Variants in WASHC2C observed in about 807,000 individuals in gnomAD.
WASHC2C encodes the protein WASH complex subunit 2C.
A neutral mutation model predicts 142.2 loss-of-function variants in WASHC2C; 73 were observed. The observed-to-expected ratio is 0.51, with a 90% CI of 0.43 to 0.62. WASHC2C has a LOEUF of 0.62. WASHC2C is among the 20% of genes least tolerant of loss of function. WASHC2C has a pLI of 0.00. For missense variants in WASHC2C, 969 were observed against 1,531.7 expected (o/e 0.63, Z 6.13); for synonymous variants, 337 against 565.5 (o/e 0.60, Z 5.73).
chr10:45,749,352 T>G (rs1448598065), intron 8 of WASHC2C, among the ~76,000 whole-genome samples: 1 of 149,902 alleles, frequency 6.7e-6, no homozygotes, highest in Non-Finnish European at 1.5e-5. Context: ...GGAGAATGGC[T>G]TGAACCTAGG....
Position 45,765,769 on chromosome 10 carries a change from A to G in WASHC2C, c.1828A>G (p.Lys610Glu), listed in dbSNP as rs781897634. The part of the protein sequence containing the change: ...EEKAKASELS[K>E]KKASALLFSS... ...GAAAGCAAAAGCCTCCGAGCTCTCC[A>G]AAAAGAAAGCATCTGCCCTGTTGTT... Residue 610 changes from lysine to glutamate, a missense_variant, in exon 19 of 31, where the codon AAA becomes GAA. Coordinates refer to ENST00000623400, the MANE Select transcript of WASHC2C (RefSeq NM_001330074.2). 1 of 1,612,038 alleles carries G rather than the reference A, an allele frequency of 6.2e-7. No homozygotes were observed. The highest frequency in any genetic ancestry group is 8.5e-7 in the Non-Finnish European group (1 of 1,179,860).
rs530089069 is a variant in WASHC2C, at chr10:45,785,627, C to T, written c.2807C>T (p.Pro936Leu). Reference protein sequence around the residue: ...KEKGIWKPETPQDSSGLAPFK... With the variant: ...KEKGIWKPETLQDSSGLAPFK... ...AAAGGCATATGGAAGCCGGAAACAC[C>T]TCAGGTTAGAAATCCTCTTTAAGGA... The change falls in exon 26 of 31, where the codon CCT (proline) becomes CTT (leucine). Residue 936 changes from proline (P) to leucine (L), a missense_variant. Pro to Leu is a moderately conservative substitution (Grantham distance 98, BLOSUM62 -3). Transcript: ENST00000623400. The T allele has an allele frequency of 2.8e-5, 45 of 1,613,562 alleles. No individual in the cohort carries two copies. In the African/African-American group the frequency reaches 4.8e-4, roughly 17 times the overall value.
At chr10:45,752,023 G>A (rs2053653362) in intron 11 of WASHC2C, among the ~76,000 whole-genome samples, 1 of 152,210 alleles carries the variant, frequency 6.6e-6, no homozygotes, top group Admixed American at 6.5e-5. Flanking sequence ...GTGCTGGGAG[G>A]ATATGTGGGT....
intron 19 of WASHC2C, among the ~76,000 whole-genome samples, chr10:45,766,907 A>G (rs552947541): frequency 2.0e-5 from 3 of 152,244 alleles, no homozygotes; most frequent in Non-Finnish European, 2.9e-5. Flanking sequence ...TAAGTCATAG[A>G]TATGTTCATG....
intron 3 of WASHC2C, among the ~76,000 whole-genome samples, chr10:45,736,157 C>T (rs192868643): frequency 0.047 from 6,909 of 148,116 alleles, 205 homozygotes; most frequent in South Asian, 0.088. Flanking sequence ...CCTGTAATCC[C>T]AGCACTTTGG....
upstream of WASHC2C, chr10:45,727,235 C>G: frequency 6.6e-7 from 1 of 1,523,124 alleles, no homozygotes; most frequent in East Asian, 2.5e-5. Flanking sequence ...CCCCGGGCAG[C>G]TTGGCTGGGG....
chr10:45,776,107 A>T (rs2057052839), intron 21 of WASHC2C, among the ~76,000 whole-genome samples: 1 of 152,090 alleles, frequency 6.6e-6, no homozygotes, highest in Non-Finnish European at 1.5e-5. Context: ...TTTTATGTCA[A>T]GTTCAATGGT....
At chr10:45,736,576 G>A (rs1446089824) in intron 3 of WASHC2C, among the ~76,000 whole-genome samples, 2 of 151,858 alleles carry the variant, frequency 1.3e-5, no homozygotes, top group Non-Finnish European at 1.5e-5. Context: ...CTCCAGCCTG[G>A]GTGACAGAGC....
rs2055728040 is a variant in WASHC2C, at chr10:45,765,792, G to A, written c.1851G>A (p.Leu617=). The A allele has an allele frequency of 6.2e-7, 1 of 1,611,982 alleles. No individual in the cohort carries two copies. Among genetic ancestry groups the A allele is most frequent in the Non-Finnish European group, 8.5e-7 (1 of 1,179,852 alleles). The part of the protein sequence containing the change: ...ELSKKKASAL[L]FSSDEEDQWN... ...CCAAAAAGAAAGCATCTGCCCTGTTGTTCAGCAGTGATGAGGAGGTGAGCT... is the reference window on the plus strand; with the variant it reads ...CCAAAAAGAAAGCATCTGCCCTGTTATTCAGCAGTGATGAGGAGGTGAGCT... Residue 617 remains leucine (L), a synonymous_variant, in exon 19 of 31, where the codon TTG becomes TTA. Transcript: ENST00000623400.
chr10:45,771,392 T>C, intron 20 of WASHC2C: 14 of 968,878 alleles, frequency 1.4e-5, no homozygotes, highest in Non-Finnish European at 1.7e-5. Flanking sequence ...AAAAGGCCTT[T>C]CCTAACTTTA....
At chr10:45,769,171 G>T (rs192753419) in intron 19 of WASHC2C, among the ~76,000 whole-genome samples, 1 of 151,886 alleles carries the variant, frequency 6.6e-6, no homozygotes, top group Non-Finnish European at 1.5e-5. Context: ...AGGCTGGAGT[G>T]CAGTGGCACG....
chr10:45,740,873 A>G (rs1279276981), intron 5 of WASHC2C, among the ~76,000 whole-genome samples: 1 of 152,024 alleles, frequency 6.6e-6, no homozygotes, highest in African/African-American at 2.4e-5. Flanking sequence ...GTGAACACAG[A>G]AAGTTACCAC....
chr10:45,753,839 T>C (rs1554875878), intron 13 of WASHC2C, among the ~76,000 whole-genome samples: 1 of 151,030 alleles, frequency 6.6e-6, no homozygotes, highest in African/African-American at 2.5e-5. Context: ...TTTTTTTTTT[T>C]CTTTTTTTTT....
intron 23 of WASHC2C, among the ~76,000 whole-genome samples, chr10:45,782,546 AGTTTG>A (rs1288263609): frequency 1.3e-5 from 2 of 150,654 alleles, no homozygotes; most frequent in African/African-American, 4.9e-5. Context: ...TTTGGAGAAC[AGTTTG>A]CTGTTCTTCA....
At chr10:45,727,259 G>A (rs1445707793), upstream of WASHC2C, 18 of 1,538,116 alleles carry the variant, frequency 1.2e-5, no homozygotes, top group South Asian at 2.4e-5. Context: ...GGCTTCCGGG[G>A]CTCTGCGGTC....
chr10:45,750,180 G>A lies in WASHC2C; in HGVS notation c.817G>A (p.Glu273Lys), dbSNP rs781911163. 4 of 1,611,332 alleles carry A rather than the reference G, an allele frequency of 2.5e-6. No homozygotes were observed. The highest frequency in any genetic ancestry group is 3.3e-5 in the Admixed American group (2 of 59,924). ...CTCTGAGAAGGAGGAGGAAGATATTGAGGACATTGAAGAAAATACTAGACC... is the reference window on the plus strand; with the variant it reads ...CTCTGAGAAGGAGGAGGAAGATATTAAGGACATTGAAGAAAATACTAGACC... ...ADSEKEEEDI[E>K]DIEENTRPKR... Residue 273 changes from glutamate (E) to lysine (K), a missense_variant, in exon 9 of 31, where the codon GAG (glutamate) becomes AAG (lysine). Transcript: ENST00000623400.
intron 5 of WASHC2C, among the ~76,000 whole-genome samples, chr10:45,741,458 C>T (rs1362747196): frequency 6.6e-6 from 1 of 151,196 alleles, no homozygotes; most frequent in Non-Finnish European, 1.5e-5. Flanking sequence ...AGCACTTTCT[C>T]CCTTTTTTTT....
chr10:45,738,834 A>G (rs868921463), intron 4 of WASHC2C, among the ~76,000 whole-genome samples: 2 of 152,140 alleles, frequency 1.3e-5, no homozygotes, highest in Non-Finnish European at 2.9e-5. Flanking sequence ...CTTCCCGAGT[A>G]GCTGGGACTA....
intron 19 of WASHC2C, among the ~76,000 whole-genome samples, chr10:45,768,962 C>G (rs1554883508): frequency 2.6e-5 from 4 of 151,880 alleles, no homozygotes; most frequent in African/African-American, 9.7e-5. Flanking sequence ...GTCAGAGAGC[C>G]CAGCTGTCTA....
Sources: gnomAD v4.1 joint callset for allele counts (sites outside exome capture counted in the v4.1 genomes callset) on GRCh38, gnomAD v4.1.1 for gene constraint, MANE v1.5 for transcripts, NCBI Gene and HGNC (gene_info 2026-07-23, HGNC 2026-07-21) for gene names.